Variants in ARRDC5 observed in about 807,000 individuals in gnomAD.
ARRDC5 encodes the protein arrestin domain containing 5.
Under a neutral mutation model 13.3 loss-of-function variants are expected in ARRDC5, and 12 were observed. The observed-to-expected ratio is 0.90, with a 90% CI of 0.58 to 1.46. ARRDC5 has a LOEUF of 1.46. Ranked by LOEUF, ARRDC5 falls within the 40% of genes most tolerant of loss-of-function variation. The pLI is 0.00. For synonymous variants in ARRDC5, 181 were observed against 173.4 expected (o/e 1.04, Z -0.34); for missense variants, 406 against 418.7 (o/e 0.97, Z 0.26).
chr19:4,897,898 C>T (rs1394038025), intron 1 of ARRDC5, among the ~76,000 whole-genome samples: 1 of 152,150 alleles, frequency 6.6e-6, no homozygotes, highest in Non-Finnish European at 1.5e-5. Context: ...ACCAAGCTGG[C>T]CAAAATGGCG....
At chr19:4,909,675 C>A in the ARRDC5 span, 1 of 513,542 alleles carries the variant, frequency 1.9e-6, no homozygotes, top group South Asian at 2.5e-5. Context: ...CGGGCCGGGT[C>A]GGGGTGCCAG....
Position 4,893,178 on chromosome 19 carries a change from ATATAT to A in ARRDC5, c.460-1610_460-1606del, listed in dbSNP as rs1329593287. On this transcript the variant is annotated intron_variant, in intron 2 of 2. Transcript: ENST00000650722. Reference sequence around the variant, plus strand: ...TATATATAATATATTATTATATATAATATATTATAATAATATAACATATTATATAT... The same window carrying A: ...TATATATAATATATTATTATATATAATATAATAATATAACATATTATATAT... Among the ~76,000 whole-genome samples, 5 of 141,352 alleles carry A rather than the reference ATATAT, an allele frequency of 3.5e-5. No individual in the cohort carries two copies. In the East Asian group the frequency reaches 5.9e-4, roughly 17 times the overall value. The allele number at this position is 141,352 out of a possible 152,430, so 92.7% of individuals were successfully genotyped here.
At chr19:4,893,362 C>T (rs778261514) in intron 2 of ARRDC5, among the ~76,000 whole-genome samples, 45 of 146,850 alleles carry the variant, frequency 3.1e-4, no homozygotes, top group Non-Finnish European at 5.4e-4. Context: ...AAAAGTTGGC[C>T]GGGTGTGATG....
At chr19:4,899,584 A>G (rs1165770268) in intron 1 of ARRDC5, among the ~76,000 whole-genome samples, 8 of 151,150 alleles carry the variant, frequency 5.3e-5, no homozygotes, top group Non-Finnish European at 1.2e-4. Flanking sequence ...GTGAGCTGAG[A>G]TCACGCCATG....
At chr19:4,902,105 G>T (rs1040499442) in intron 1 of ARRDC5, among the ~76,000 whole-genome samples, 1 of 152,090 alleles carries the variant, frequency 6.6e-6, no homozygotes, top group African/African-American at 2.4e-5. Context: ...GGCCAGGCTG[G>T]TCTCAAACTC....
At chr19:4,899,029 A>G (rs2031824270) in intron 1 of ARRDC5, among the ~76,000 whole-genome samples, 1 of 152,112 alleles carries the variant, frequency 6.6e-6, no homozygotes. Flanking sequence ...AAAAACCTGG[A>G]ACAGGCATGG....
At chr19:4,911,029 G>A in the ARRDC5 span, 9 of 1,598,018 alleles carry the variant, frequency 5.6e-6, no homozygotes, top group South Asian at 4.5e-5. Flanking sequence ...TGTTCTACAG[G>A]GGCAAACAGG....
chr19:4,904,418 A>T (rs2032021272), upstream of ARRDC5, among the ~76,000 whole-genome samples: 1 of 152,104 alleles, frequency 6.6e-6, no homozygotes, highest in Non-Finnish European at 1.5e-5. Context: ...TGACCTCGTG[A>T]TCCGCCCACC....
rs939800995 is a variant in ARRDC5, at chr19:4,902,576, C to T, written c.250G>A (p.Glu84Lys). The T allele has an allele frequency of 6.2e-6, 10 of 1,613,506 alleles. No homozygotes were observed. Among genetic ancestry groups the T allele is most frequent in the African/African-American group, 5.3e-5 (4 of 74,924 alleles). ...TGGCTGTTGGCCTCGTCCTTACCCT[C>T]CACTGGGAATGTCTTTGTCTTATGC... is the stretch of plus-strand genomic sequence containing the variant. ...YVHKTKTFPV[E>K]DNWLSAGSHT... Residue 84 changes from glutamate to lysine, a missense_variant, in exon 1 of 3, where the codon GAG (glutamate) becomes AAG (lysine). By Grantham distance (56) the Glu-to-Lys change is moderately conservative. Coordinates refer to ENST00000650722, the MANE Select transcript of ARRDC5 (RefSeq NM_001080523.3).
chr19:4,909,587 G>T, the ARRDC5 span: 3 of 652,864 alleles, frequency 4.6e-6, no homozygotes, highest in African/African-American at 1.9e-5. Flanking sequence ...GGCCACGCAC[G>T]CGGTTTCATC....
Position 4,896,827 on chromosome 19 carries a change from T to C in ARRDC5, c.303A>G (p.Leu101=), listed in dbSNP as rs760245482. 37 of 1,613,508 alleles carry C rather than the reference T, an allele frequency of 2.3e-5. No homozygotes were observed. The highest frequency in any genetic ancestry group is 3.0e-5 in the Non-Finnish European group (35 of 1,179,834). ...TGAAGGTAGAAGGAAGCCTGGGAGG[T>C]AAGTTGAAATGGAAGTCAAAGGTGT... is the stretch of plus-strand genomic sequence containing the variant. ...GSHTFDFHFN[L]PPRLPSTFTS... The change falls in exon 2 of 3, where the codon TTA becomes TTG. Residue 101 remains leucine, a synonymous_variant. Coordinates refer to ENST00000650722, the MANE Select transcript of ARRDC5 (RefSeq NM_001080523.3).
chr19:4,909,496 AAATC>A, the ARRDC5 span: 1 of 655,524 alleles, frequency 1.5e-6, no homozygotes, highest in Non-Finnish European at 2.8e-6. Context: ...CGCGGGAAAA[AAATC>A]AGAGCAGCTG....
chr19:4,894,281 G>A (rs1488164385), intron 2 of ARRDC5, among the ~76,000 whole-genome samples: 2 of 151,546 alleles, frequency 1.3e-5, no homozygotes. Context: ...GGAGGCCGAG[G>A]CGGGCGGATC....
the ARRDC5 span, chr19:4,910,612 A>C: frequency 2.7e-6 from 1 of 364,714 alleles, no homozygotes; most frequent in Non-Finnish European, 4.9e-6. Context: ...GATGGGTTGG[A>C]CCTTCTGCTT....
chr19:4,896,527 T>G, intron 2 of ARRDC5, 144 bp downstream of exon 2: 1 of 626,516 alleles, frequency 1.6e-6, no homozygotes, highest in Non-Finnish European at 2.8e-6. Context: ...TGACTCACCT[T>G]TTGTGAAATC....
intron 1 of ARRDC5, among the ~76,000 whole-genome samples, chr19:4,898,739 G>C (rs1206888397): frequency 1.4e-5 from 2 of 143,786 alleles, no homozygotes; most frequent in African/African-American, 5.1e-5. Context: ...TGATCCTCTT[G>C]CCTCAGCGCC....
chr19:4,902,556 G>C lies in ARRDC5; in HGVS notation c.253+17C>G. ...GTTCCTGTCATGGCTAGGGGTGGCT[G>C]TTGGCCTCGTCCTTACCCTCCACTG... is the stretch of plus-strand genomic sequence containing the variant. On this transcript the variant is annotated intron_variant, in intron 1 of 2. Transcript: ENST00000650722. The C allele has an allele frequency of 6.2e-7, 1 of 1,610,818 alleles. No individual in the cohort carries two copies. Among genetic ancestry groups the C allele is most frequent in the African/African-American group, 1.3e-5 (1 of 75,018 alleles).
the ARRDC5 span, among the ~76,000 whole-genome samples, chr19:4,916,305 C>CAAA: frequency 2.4e-5 from 3 of 124,554 alleles, no homozygotes; most frequent in African/African-American, 8.6e-5. Context: ...GACTTTGTCT[C>CAAA]AAAAAAAAAA....
intron 2 of ARRDC5, among the ~76,000 whole-genome samples, chr19:4,895,417 C>T (rs145643402): frequency 0.014 from 1,442 of 103,406 alleles, 28 homozygotes; most frequent in African/African-American, 0.049. Context: ...AGTGAGACTC[C>T]GTCTCAAAAA....
Sources: gnomAD v4.1 joint callset for allele counts (sites outside exome capture counted in the v4.1 genomes callset) on GRCh38, gnomAD v4.1.1 for gene constraint, MANE v1.5 for transcripts, NCBI Gene and HGNC (gene_info 2026-07-23, HGNC 2026-07-21) for gene names.